Variants in KCNMA1 observed in about 807,000 individuals in gnomAD.
The protein encoded by KCNMA1 is potassium calcium-activated channel subfamily M alpha 1.
A neutral mutation model predicts 140.0 loss-of-function variants in KCNMA1; 29 were observed. The ratio of observed to expected loss-of-function variants is 0.21; its 90% CI spans 0.15 to 0.28. The LOEUF (loss-of-function observed/expected upper bound fraction) is 0.28. Ranked by LOEUF, KCNMA1 falls within the 10% of genes least tolerant of loss-of-function variation. The pLI is 1.00. For missense variants in KCNMA1, 880 were observed against 1,602.2 expected (o/e 0.55, Z 7.70); for synonymous variants, 612 against 611.9 (o/e 1.00, Z 0.00).
intron 2 of KCNMA1, among the ~76,000 whole-genome samples, chr10:77,312,225 C>T (rs1424602584): frequency 6.6e-6 from 1 of 152,166 alleles, no homozygotes. Context: ...CTCCAATACC[C>T]CAAGGTTTGG....
chr10:77,326,747 G>T (rs2084367247), intron 2 of KCNMA1, among the ~76,000 whole-genome samples: 1 of 152,108 alleles, frequency 6.6e-6, no homozygotes, highest in Admixed American at 6.6e-5. Flanking sequence ...ACGTTACCAG[G>T]GAAAGAGCAT....
At chr10:77,447,608 G>A (rs1376291145) in intron 1 of KCNMA1, among the ~76,000 whole-genome samples, 1 of 152,226 alleles carries the variant, frequency 6.6e-6, no homozygotes, top group African/African-American at 2.4e-5. Flanking sequence ...CATCACAAGA[G>A]CATGGCTTCC....
intron 1 of KCNMA1, among the ~76,000 whole-genome samples, chr10:77,540,428 A>G (rs555788309): frequency 9.8e-5 from 15 of 152,358 alleles, no homozygotes; most frequent in African/African-American, 3.4e-4. Flanking sequence ...GGCACTGTTC[A>G]GACTATAATT....
chr10:77,636,196 C>A, intron 1 of KCNMA1: 1 of 1,425,946 alleles, frequency 7.0e-7, no homozygotes, highest in Non-Finnish European at 9.1e-7. Flanking sequence ...CTGGCTCACT[C>A]TCTTTTTTCC....
chr10:77,577,366 A>C (rs997116733), intron 1 of KCNMA1, among the ~76,000 whole-genome samples: 1 of 152,122 alleles, frequency 6.6e-6, no homozygotes, highest in East Asian at 1.9e-4. Context: ...CTTAACTGCC[A>C]TGTAGTTGAA....
rs2098155985 is a variant in KCNMA1 at position 77,471,663 on chromosome 10, TACACACACACACC to T, written c.379-67653_379-67641del. 2.1e-5 allele frequency among the ~76,000 whole-genome samples: 3 copies of T among 143,904 alleles called. No individual in the cohort carries two copies. In the South Asian group the frequency reaches 6.7e-4, roughly 32 times the overall value. 94.4% of individuals were successfully genotyped at this position (143,904 alleles called of 152,430 possible). On this transcript the variant is annotated intron_variant, in intron 1 of 27. Transcript: ENST00000286628. Reference sequence around the variant, plus strand: ...CAACACATATAGACACATCACACACTACACACACACACCACACACACTATACACACATACACAT... The same window carrying T: ...CAACACATATAGACACATCACACACTACACACACTATACACACATACACAT...
intron 20 of KCNMA1, among the ~76,000 whole-genome samples, chr10:76,961,174 G>A (rs549375756): frequency 7.3e-5 from 11 of 151,074 alleles, no homozygotes; most frequent in East Asian, 3.9e-4. Context: ...AAGAACATTC[G>A]TGATTCATGG....
chr10:77,348,745 G>A lies in KCNMA1; in HGVS notation c.540+55117C>T, dbSNP rs116091163. On this transcript the variant is annotated intron_variant, in intron 2 of 27. Coordinates refer to ENST00000286628, the MANE Select transcript of KCNMA1 (RefSeq NM_001161352.2). Reference sequence around the variant, plus strand: ...TCCAGTAGGGACCTGACAGAACAGGGCCATCTTCATTAGCTGCTGAATTTC... The same window carrying A: ...TCCAGTAGGGACCTGACAGAACAGGACCATCTTCATTAGCTGCTGAATTTC... Among the ~76,000 whole-genome samples the A allele has an allele frequency of 7.0e-3, 1,064 of 152,234 alleles. 16 individuals carry two copies. The highest frequency in any genetic ancestry group is 0.024 in the African/African-American group (1,007 of 41,544).
chr10:77,333,673 A>G (rs914639619), intron 2 of KCNMA1, among the ~76,000 whole-genome samples: 2 of 152,222 alleles, frequency 1.3e-5, no homozygotes, highest in Admixed American at 6.5e-5. Flanking sequence ...ATATTCCTTG[A>G]GCAGTATCTC....
intron 3 of KCNMA1, chr10:77,250,836 C>G (rs773840903): frequency 1.6e-5 from 5 of 303,120 alleles, no homozygotes; most frequent in Non-Finnish European, 3.2e-5. Context: ...AGACCCTCAT[C>G]TGTGGGAAAC....
chr10:76,996,620 G>C (rs945469361), intron 19 of KCNMA1, among the ~76,000 whole-genome samples: 4 of 152,206 alleles, frequency 2.6e-5, no homozygotes, highest in Non-Finnish European at 5.9e-5. Flanking sequence ...GAGAGAGAGA[G>C]AGAGCGCACT....
intron 1 of KCNMA1, among the ~76,000 whole-genome samples, chr10:77,549,208 G>A (rs908369957): frequency 5.3e-5 from 8 of 152,226 alleles, no homozygotes; most frequent in African/African-American, 1.9e-4. Flanking sequence ...CTGAGGCCTG[G>A]AGCACTGGAG....
At chr10:77,168,468 G>A (rs1020101393) in intron 5 of KCNMA1, among the ~76,000 whole-genome samples, 1 of 152,086 alleles carries the variant, frequency 6.6e-6, no homozygotes, top group Non-Finnish European at 1.5e-5. Flanking sequence ...ATAGCCTATT[G>A]CTCCTAAGCT....
intron 12 of KCNMA1, among the ~76,000 whole-genome samples, chr10:77,082,055 C>T (rs1486714314): frequency 2.6e-5 from 3 of 114,930 alleles, no homozygotes; most frequent in African/African-American, 1.0e-4. Context: ...GACGGAGCCT[C>T]GCTGGCTCTG....
chr10:76,934,618 T>C (rs972316480), intron 23 of KCNMA1, among the ~76,000 whole-genome samples: 2 of 152,238 alleles, frequency 1.3e-5, no homozygotes, highest in Non-Finnish European at 2.9e-5. Flanking sequence ...TATGACAGCA[T>C]AGACTATGGA....
Position 77,187,487 on chromosome 10 carries a change from T to G in KCNMA1, c.603-2571A>C, listed in dbSNP as rs960609355. On this transcript the variant is annotated intron_variant, in intron 3 of 27. Transcript: ENST00000286628. ...GACCTTTTCCTTTTCTCTAATCCTT[T>G]CAAAAAATTTAGAACCGATTTCATC... is the stretch of plus-strand genomic sequence containing the variant. Among the ~76,000 whole-genome samples, 9 of 152,210 alleles carry G rather than the reference T, an allele frequency of 5.9e-5. No individual in the cohort carries two copies. The East Asian group carries it at 1.7e-3, about 29-fold the overall frequency.
intron 1 of KCNMA1, among the ~76,000 whole-genome samples, chr10:77,576,656 A>G (rs1444644135): frequency 6.6e-6 from 1 of 152,202 alleles, no homozygotes; most frequent in Non-Finnish European, 1.5e-5. Flanking sequence ...AAAGCTCACC[A>G]TGGGATTCTA....
At chr10:77,462,892 A>C (rs1307084541) in intron 1 of KCNMA1, among the ~76,000 whole-genome samples, 1 of 152,112 alleles carries the variant, frequency 6.6e-6, no homozygotes, top group East Asian at 1.9e-4. Flanking sequence ...CTTGGGAAAC[A>C]GCCAGCATCT....
chr10:77,538,545 T>C (rs1274953294), intron 1 of KCNMA1, among the ~76,000 whole-genome samples: 1 of 152,200 alleles, frequency 6.6e-6, no homozygotes, highest in African/African-American at 2.4e-5. Context: ...ACTAGCTGTG[T>C]GGCCTTGGCA....
Sources: gnomAD v4.1 joint callset for allele counts (sites outside exome capture counted in the v4.1 genomes callset) on GRCh38, gnomAD v4.1.1 for gene constraint, MANE v1.5 for transcripts, NCBI Gene and HGNC (gene_info 2026-07-23, HGNC 2026-07-21) for gene names.